The following CDS1 variants were observed in gnomAD, a reference collection of about 807,000 sequenced individuals.
CDS1 encodes the protein CDP-diacylglycerol synthase 1, also known as phosphatidate cytidylyltransferase 1.
In CDS1, 41 loss-of-function variants were observed where a neutral mutation model predicts 62.1. The observed-to-expected ratio is 0.66, with a 90% CI of 0.51 to 0.86. The LOEUF is 0.86. CDS1 is among the 40% of genes least tolerant of loss of function. CDS1 has a pLI of 0.00. For synonymous variants in CDS1, 185 were observed against 192.6 expected (o/e 0.96, Z 0.32); for missense variants, 470 against 550.1 (o/e 0.85, Z 1.46).
chr4:84,642,062 T>G (rs373878303), intron 10 of CDS1, among the ~76,000 whole-genome samples: 2 of 152,216 alleles, frequency 1.3e-5, no homozygotes, highest in African/African-American at 4.8e-5. Flanking sequence ...GCACATTGGC[T>G]TATGCCTGTA....
intron 8 of CDS1, 27 bp from the exon 9 acceptor site, chr4:84,638,896 CT>C: frequency 8.5e-7 from 1 of 1,183,398 alleles, no homozygotes. Context: ...TGCAGTAAAG[CT>C]TTTTAATTTT....
At chr4:84,595,171 A>G (rs1722710778) in intron 1 of CDS1, among the ~76,000 whole-genome samples, 1 of 152,116 alleles carries the variant, frequency 6.6e-6, no homozygotes. Flanking sequence ...AAGGTGATAA[A>G]AGAAAGGGTA....
chr4:84,638,714 C>T (rs1305364130), intron 8 of CDS1, among the ~76,000 whole-genome samples: 1 of 151,764 alleles, frequency 6.6e-6, no homozygotes, highest in Non-Finnish European at 1.5e-5. Context: ...TATTTGAGGG[C>T]CTACTATGTG....
At chr4:84,600,196 C>G (rs1017949240) in intron 1 of CDS1, among the ~76,000 whole-genome samples, 1 of 152,058 alleles carries the variant, frequency 6.6e-6, no homozygotes, top group Non-Finnish European at 1.5e-5. Flanking sequence ...AATGTCTGTC[C>G]AAATATTTTG....
At chr4:84,604,120 G>A (rs1578024765) in intron 1 of CDS1, 123 bp from the exon 2 acceptor site, 6 of 765,120 alleles carry the variant, frequency 7.8e-6, no homozygotes, top group Middle Eastern at 3.9e-4. Context: ...AAGATAAATA[G>A]TAGTTTCTTT....
At chr4:84,647,728 T>C (rs1724598936) in intron 12 of CDS1, among the ~76,000 whole-genome samples, 1 of 152,192 alleles carries the variant, frequency 6.6e-6, no homozygotes, top group African/African-American at 2.4e-5. Context: ...ATTTGTTAAG[T>C]CAAAGATTTT....
chr4:84,608,328 T>C (rs1445077686), intron 2 of CDS1, among the ~76,000 whole-genome samples: 1 of 152,082 alleles, frequency 6.6e-6, no homozygotes, highest in Non-Finnish European at 1.5e-5. Flanking sequence ...CGCCCACCAC[T>C]ATGCCCGGCT....
In CDS1 at chr4:84,650,020, A is replaced by G; in HGVS notation, c.*1334A>G. On this transcript the variant is annotated 3_prime_UTR_variant, in exon 13 of 13. Transcript: ENST00000295887. ...AGCACTAAACCTTCAAAAATTGCCC[A>G]GTGTTCCTAGTTAAATGTTCAGAGG... The G allele has an allele frequency of 6.6e-6, 1 of 152,210 alleles. No homozygotes were observed. The highest frequency in any genetic ancestry group is 1.9e-4 in the East Asian group (1 of 5,192). The allele number at this position is 152,210 out of a possible 1,614,324, so 9.4% of individuals were successfully genotyped here.
In CDS1 at chr4:84,645,098, G is replaced by GA. The variant is rs576669477; in HGVS notation, c.1153-117dup. Reference sequence around the variant, plus strand: ...GTGTTCTAATAAGTTTTTATTTAGTGAAAAAAATCCAATAGTAATGTATTT... The same window carrying GA: ...GTGTTCTAATAAGTTTTTATTTAGTGAAAAAAAATCCAATAGTAATGTATTT... On this transcript the variant is annotated intron_variant, in intron 11 of 12. Coordinates refer to ENST00000295887, the MANE Select transcript of CDS1 (RefSeq NM_001263.4). The GA allele has an allele frequency of 1.6e-4, 108 of 665,962 alleles. 1 individual carries two copies. The East Asian group carries it at 2.5e-3, about 16-fold the overall frequency. 41.3% of individuals were successfully genotyped at this position (665,962 alleles called of 1,614,324 possible).
At position 84,619,453 on chromosome 4, in the gene CDS1, C is replaced by T. The variant is rs1723604701; in HGVS notation, c.500C>T (p.Ala167Val). ...GGAGAGACTGTAGCTGATTATTTTG[C>T]TACATTTGTTCAAAGAGAAGAACAA... is the stretch of plus-strand genomic sequence containing the variant. ...FYGETVADYF[A>V]TFVQREEQLQ... Residue 167 changes from alanine (A) to valine (V), a missense_variant, in exon 5 of 13, where the codon GCT becomes GTT. Coordinates refer to ENST00000295887, the MANE Select transcript of CDS1 (RefSeq NM_001263.4). 1 of 1,590,176 alleles carries T rather than the reference C, an allele frequency of 6.3e-7. No individual in the cohort carries two copies. The highest frequency in any genetic ancestry group is 1.3e-5 in the African/African-American group (1 of 74,422).
At chr4:84,599,490 G>T (rs2868919) in intron 1 of CDS1, among the ~76,000 whole-genome samples, 1 of 144,256 alleles carries the variant, frequency 6.9e-6, no homozygotes, top group African/African-American at 2.6e-5. Flanking sequence ...TAATGAGCTA[G>T]TCTATCACCA....
intron 9 of CDS1, 111 bp from the exon 10 acceptor site, chr4:84,640,727 C>G: frequency 2.4e-3 from 1,528 of 626,134 alleles, no homozygotes; most frequent in Non-Finnish European, 3.3e-3. Context: ...GAAATTCTGG[C>G]ATTCTATCTC....
At position 84,619,553 on chromosome 4, in the gene CDS1, G is replaced by C; in HGVS notation, c.580+20G>C. On this transcript the variant is annotated intron_variant, in intron 5 of 12. Coordinates refer to ENST00000295887, the MANE Select transcript of CDS1 (RefSeq NM_001263.4). ...TGGCAGGTAAGTTAAGGAATATTCT[G>C]TATTGATATATAGTTAACATATTTT... The C allele has an allele frequency of 7.0e-7, 1 of 1,420,154 alleles. No individual in the cohort carries two copies. Among genetic ancestry groups the C allele is most frequent in the Non-Finnish European group, 9.6e-7 (1 of 1,037,964 alleles). The allele number at this position is 1,420,154 out of a possible 1,614,324, so 88.0% of individuals were successfully genotyped here.
At chr4:84,635,663 C>A (rs1724176959) in intron 8 of CDS1, among the ~76,000 whole-genome samples, 1 of 126,390 alleles carries the variant, frequency 7.9e-6, no homozygotes, top group Admixed American at 8.2e-5. Context: ...TCCTTCCTTC[C>A]TTCCTTCCTT....
At chr4:84,642,502 C>CT (rs1408382119) in intron 10 of CDS1, among the ~76,000 whole-genome samples, 2 of 152,108 alleles carry the variant, frequency 1.3e-5, no homozygotes, top group African/African-American at 4.8e-5. Context: ...CTCCCCAAAT[C>CT]TTTAGTGATT....
At chr4:84,646,839 C>T (rs1724572114) in intron 12 of CDS1, among the ~76,000 whole-genome samples, 1 of 152,046 alleles carries the variant, frequency 6.6e-6, no homozygotes, top group African/African-American at 2.4e-5. Context: ...GTTTGGTCCG[C>T]TTGTTCTATC....
intron 1 of CDS1, among the ~76,000 whole-genome samples, chr4:84,593,668 C>T (rs1402688477): frequency 1.3e-5 from 2 of 151,930 alleles, no homozygotes; most frequent in Non-Finnish European, 2.9e-5. Context: ...CTACGCCTGA[C>T]TAATTTTTGT....
At chr4:84,595,348 G>T (rs969571455) in intron 1 of CDS1, among the ~76,000 whole-genome samples, 1 of 152,122 alleles carries the variant, frequency 6.6e-6, no homozygotes, top group African/African-American at 2.4e-5. Flanking sequence ...CCAAGAAGGG[G>T]TTTGTTCAGT....
intron 9 of CDS1, among the ~76,000 whole-genome samples, chr4:84,640,058 G>T (rs953870919): frequency 2.0e-5 from 3 of 149,422 alleles, no homozygotes; most frequent in African/African-American, 7.4e-5. Context: ...AGAAAAGTAG[G>T]AGCTACCCCA....
Sources: allele counts gnomAD v4.1 joint callset (sites outside exome capture counted in the v4.1 genomes callset), GRCh38; gene constraint gnomAD v4.1.1; transcripts MANE v1.5; gene names NCBI Gene and HGNC (gene_info 2026-07-23, HGNC 2026-07-21).